SRP54: variants seen among roughly 807,000 people sequenced by gnomAD.
SRP54 encodes signal recognition particle 54.
In SRP54, 10 loss-of-function variants were observed where a neutral mutation model predicts 64.8. The ratio of observed to expected loss-of-function variants is 0.15; its 90% CI spans 0.10 to 0.26. The LOEUF (loss-of-function observed/expected upper bound fraction) is 0.26. Ranked by LOEUF, SRP54 falls within the 10% of genes least tolerant of loss-of-function variation. The pLI, the probability that SRP54 is intolerant of heterozygous loss-of-function variation, is 1.00. For synonymous variants in SRP54, 193 were observed against 185.6 expected (o/e 1.04, Z -0.32); for missense variants, 325 against 613.7 (o/e 0.53, Z 4.97).
intron 2 of SRP54, among the ~76,000 whole-genome samples, chr14:34,998,997 GT>G (rs1566645518): frequency 1.1e-5 from 1 of 94,250 alleles, no homozygotes; most frequent in African/African-American, 3.5e-5. Flanking sequence ...GTGTGTGTGT[GT>G]GTGTGTGTGT....
intron 1 of SRP54, among the ~76,000 whole-genome samples, chr14:34,995,164 T>G (rs1177167047): frequency 2.1e-5 from 3 of 140,008 alleles, no homozygotes; most frequent in African/African-American, 7.8e-5. Flanking sequence ...TGTGTGTGTG[T>G]GTGTGTGTGT....
chr14:34,994,623 C>T (rs2044037705), intron 1 of SRP54, among the ~76,000 whole-genome samples: 1 of 151,926 alleles, frequency 6.6e-6, no homozygotes, highest in Non-Finnish European at 1.5e-5. Context: ...CCAGACTTAC[C>T]TCTCTCTCCA....
At chr14:35,004,556 A>G (rs2044228188) in intron 4 of SRP54, 1 of 152,242 alleles carries the variant, frequency 6.6e-6, no homozygotes, top group South Asian at 2.1e-4. Context: ...TCTACATTGC[A>G]GCTAACCTTT....
At chr14:35,028,997 A>G (rs1426246184) in intron 15 of SRP54, 64 bp from the exon 16 acceptor site, 3 of 1,333,916 alleles carry the variant, frequency 2.2e-6, no homozygotes, top group African/African-American at 1.5e-5. Context: ...CAAAAGTAAT[A>G]AATGTTTCCA....
intron 8 of SRP54, among the ~76,000 whole-genome samples, chr14:35,012,076 G>A (rs1215527948): frequency 6.6e-6 from 1 of 151,902 alleles, no homozygotes; most frequent in Non-Finnish European, 1.5e-5. Flanking sequence ...AATTATCTGG[G>A]CATGGTGGTG....
chr14:35,017,860 A>C (rs1429057506), intron 11 of SRP54, among the ~76,000 whole-genome samples: 1 of 152,114 alleles, frequency 6.6e-6, no homozygotes, highest in Non-Finnish European at 1.5e-5. Context: ...GGTGGCTCAC[A>C]CTGTAATCCT....
At chr14:34,987,321 A>G (rs1332782873) in intron 1 of SRP54, among the ~76,000 whole-genome samples, 1 of 148,668 alleles carries the variant, frequency 6.7e-6, no homozygotes, top group Non-Finnish European at 1.5e-5. Context: ...TAGTTCACCT[A>G]AAGTGTACAA....
intron 3 of SRP54, 109 bp downstream of exon 3, chr14:34,999,758 C>A: frequency 1.3e-6 from 1 of 758,168 alleles, no homozygotes; most frequent in Non-Finnish European, 2.2e-6. Flanking sequence ...TGCTCTGCAC[C>A]ACTGGAAAAG....
intron 13 of SRP54, among the ~76,000 whole-genome samples, chr14:35,020,423 C>T (rs567799364): frequency 2.0e-5 from 3 of 152,234 alleles, no homozygotes; most frequent in East Asian, 3.9e-4. Flanking sequence ...CTGTAGTATT[C>T]GATGCTGTTC....
Position 35,029,415 on chromosome 14 carries a change from C to T in SRP54, c.*263C>T. ...TTCTTCTGTTTTCACCATCATAACA[C>T]TTAAGTTAAATCATGATGTAAAATT... On this transcript the variant is annotated 3_prime_UTR_variant, in exon 16 of 16. Coordinates refer to ENST00000216774, the MANE Select transcript of SRP54 (RefSeq NM_003136.4). The T allele has an allele frequency of 3.2e-6, 1 of 308,776 alleles. No homozygotes were observed. The highest frequency in any genetic ancestry group is 6.0e-6 in the Non-Finnish European group (1 of 167,980). 19.1% of individuals were successfully genotyped at this position (308,776 alleles called of 1,614,324 possible). A position where few individuals can be genotyped will look rare whatever the true frequency, so the allele number is the denominator to read the frequency against.
intron 8 of SRP54, among the ~76,000 whole-genome samples, chr14:35,012,941 G>GTTTTTTT (rs761844773): frequency 8.4e-6 from 1 of 118,392 alleles, no homozygotes; most frequent in Non-Finnish European, 1.7e-5. Context: ...AAATGTTGTA[G>GTTTTTTT]TTTTTTTTTT....
At chr14:35,015,125 G>C (rs2044417707) in intron 11 of SRP54, among the ~76,000 whole-genome samples, 1 of 152,162 alleles carries the variant, frequency 6.6e-6, no homozygotes, top group Non-Finnish European at 1.5e-5. Context: ...TACCCAGGCT[G>C]GAGTGCAGTG....
chr14:35,002,155 A>G (rs1250329210), intron 4 of SRP54, among the ~76,000 whole-genome samples: 1 of 152,026 alleles, frequency 6.6e-6, no homozygotes, highest in Non-Finnish European at 1.5e-5. Flanking sequence ...GGCGTTCGAG[A>G]CCAGCCTGGC....
intron 15 of SRP54, among the ~76,000 whole-genome samples, chr14:35,028,821 T>C (rs533683585): frequency 6.6e-6 from 1 of 152,348 alleles, no homozygotes; most frequent in Admixed American, 6.5e-5. Context: ...GATCTTTTTA[T>C]GTATCACCTC....
intron 1 of SRP54, among the ~76,000 whole-genome samples, chr14:34,994,567 C>T (rs1375760675): frequency 1.3e-5 from 2 of 152,138 alleles, no homozygotes; most frequent in East Asian, 1.9e-4. Context: ...CTAAATAATG[C>T]TCAGTGATCC....
chr14:35,018,130 C>T (rs1438099156), intron 11 of SRP54, among the ~76,000 whole-genome samples: 2 of 152,106 alleles, frequency 1.3e-5, no homozygotes, highest in South Asian at 2.1e-4. Context: ...CTGAGTATAT[C>T]GTTTTTCTTC....
intron 1 of SRP54, among the ~76,000 whole-genome samples, chr14:34,991,296 A>C (rs1174127477): frequency 6.6e-6 from 1 of 150,856 alleles, no homozygotes; most frequent in African/African-American, 2.4e-5. Context: ...CGCCTGGCTA[A>C]TTTTTGTATT....
chr14:35,007,609 T>TA (rs1341868924), intron 5 of SRP54, among the ~76,000 whole-genome samples: 1 of 141,588 alleles, frequency 7.1e-6, no homozygotes, highest in Non-Finnish European at 1.5e-5. Context: ...TATATTTACA[T>TA]AAAATATATT....
intron 9 of SRP54, 55 bp from the exon 10 acceptor site, chr14:35,013,747 C>T (rs77255477): frequency 0.022 from 32,415 of 1,471,352 alleles, 493 homozygotes; most frequent in Non-Finnish European, 0.028. Context: ...TTCAGATCTG[C>T]TGGAAATTTG....
Sources: allele counts gnomAD v4.1 joint callset (sites outside exome capture counted in the v4.1 genomes callset), GRCh38; gene constraint gnomAD v4.1.1; transcripts MANE v1.5; gene names NCBI Gene and HGNC (gene_info 2026-07-23, HGNC 2026-07-21).